The following ANO10 variants were observed in gnomAD, a reference collection of about 807,000 sequenced individuals.
The protein encoded by ANO10 is anoctamin-10.
A neutral mutation model predicts 74.7 loss-of-function variants in ANO10; 77 were observed. The ratio of observed to expected loss-of-function variants is 1.03; its 90% CI spans 0.86 to 1.25. ANO10 has a LOEUF of 1.25. Among genes scored for constraint, ANO10 ranks in the 50% most tolerant of loss-of-function variants. The probability of loss-of-function intolerance (pLI) is 0.00; values close to 1 mark genes in which losing one functional copy is unlikely to be tolerated. For synonymous variants in ANO10, 279 were observed against 284.9 expected (o/e 0.98, Z 0.21); for missense variants, 721 against 778.1 (o/e 0.93, Z 0.87).
intron 11 of ANO10, among the ~76,000 whole-genome samples, chr3:43,461,562 T>A (rs773847621): frequency 6.6e-6 from 1 of 152,206 alleles, no homozygotes; most frequent in Non-Finnish European, 1.5e-5. Context: ...GGTGTTCTCA[T>A]GTTAGTGAAT....
At chr3:43,483,267 T>C (rs903524380) in intron 11 of ANO10, among the ~76,000 whole-genome samples, 7 of 152,230 alleles carry the variant, frequency 4.6e-5, no homozygotes, top group African/African-American at 1.7e-4. Context: ...CTTCCAGCCC[T>C]TAAACCTTTT....
At chr3:43,405,763 T>C (rs2092565098) in intron 12 of ANO10, among the ~76,000 whole-genome samples, 1 of 151,944 alleles carries the variant, frequency 6.6e-6, no homozygotes, top group Admixed American at 6.6e-5. Flanking sequence ...CGTGAGCCAC[T>C]GCACCCAGCC....
intron 1 of ANO10, among the ~76,000 whole-genome samples, chr3:43,649,707 T>C (rs1380654516): frequency 1.3e-5 from 2 of 152,202 alleles, no homozygotes; most frequent in Non-Finnish European, 2.9e-5. Flanking sequence ...GAGACAGAGT[T>C]GGGATCCAAA....
chr3:43,605,668 A>C, intron 2 of ANO10, 46 bp downstream of exon 2: 1 of 1,605,190 alleles, frequency 6.2e-7, no homozygotes, highest in Admixed American at 1.7e-5. Context: ...CTGAGCATAC[A>C]GTGTGGGAGG....
At chr3:43,663,597 A>G (rs1387891781) in intron 1 of ANO10, among the ~76,000 whole-genome samples, 1 of 152,172 alleles carries the variant, frequency 6.6e-6, no homozygotes, top group Non-Finnish European at 1.5e-5. Context: ...TGGAATTCAA[A>G]TTGTCTCTGT....
chr3:43,546,449 C>T (rs959338537), intron 11 of ANO10, among the ~76,000 whole-genome samples: 23 of 152,136 alleles, frequency 1.5e-4, no homozygotes, highest in African/African-American at 4.8e-4. Flanking sequence ...ACTGTATACA[C>T]AGTCAAATGA....
intron 11 of ANO10, among the ~76,000 whole-genome samples, chr3:43,500,992 C>A (rs1237007372): frequency 6.6e-6 from 1 of 152,204 alleles, no homozygotes; most frequent in East Asian, 1.9e-4. Context: ...CAACTCAAAT[C>A]TCTCAGTGAA....
rs577462758 is a variant in ANO10 at position 43,628,945 on chromosome 3, G to T, written c.-11-23082C>A. ...CCCAGTCCTGTGGTCCTGTGATCTC[G>T]CCCTGCCTCCATTTTGCCTTGTCAT... On this transcript the variant is annotated intron_variant, in intron 1 of 3. Coordinates refer to the ANO10 transcript ENST00000413397. 2.6e-5 allele frequency among the ~76,000 whole-genome samples: 4 copies of T among 152,080 alleles called. No individual in the cohort carries two copies. The East Asian group carries it at 7.7e-4, about 29-fold the overall frequency.
At chr3:43,379,684 G>A (rs1047260261) in intron 12 of ANO10, among the ~76,000 whole-genome samples, 1 of 152,102 alleles carries the variant, frequency 6.6e-6, no homozygotes, top group Non-Finnish European at 1.5e-5. Flanking sequence ...CTGGCCTTTT[G>A]GGCTGTGGGC....
intron 6 of ANO10, among the ~76,000 whole-genome samples, chr3:43,575,652 T>C (rs567219639): frequency 6.6e-6 from 1 of 152,346 alleles, no homozygotes. Context: ...CTTTTTTTTT[T>C]TGTGAGACGG....
At chr3:43,378,049 C>T (rs954290068) in intron 12 of ANO10, among the ~76,000 whole-genome samples, 3 of 152,286 alleles carry the variant, frequency 2.0e-5, no homozygotes, top group Admixed American at 1.3e-4. Flanking sequence ...GAAAGAAACT[C>T]AGTTTAGAAA....
chr3:43,586,243 T>C (rs1335045440), intron 4 of ANO10, among the ~76,000 whole-genome samples: 1 of 151,806 alleles, frequency 6.6e-6, no homozygotes, highest in Non-Finnish European at 1.5e-5. Flanking sequence ...AAGTCTGCCA[T>C]GTTGGAAGAG....
intron 1 of ANO10, among the ~76,000 whole-genome samples, chr3:43,683,436 A>T (rs2084228785): frequency 6.6e-6 from 1 of 152,216 alleles, no homozygotes; most frequent in African/African-American, 2.4e-5. Context: ...AAGAGGATAC[A>T]AACAAATGGA....
chr3:43,621,981 G>C lies in ANO10; in HGVS notation c.-84C>G, dbSNP rs913272012. The stretch of plus-strand genomic sequence containing the variant: ...CGAGAACCGGAGGCCGGGCGAAAGA[G>C]TGCTCGGTGCGGGGGGCGGGCCAGG... On this transcript the variant is annotated 5_prime_UTR_variant, in exon 1 of 13. Coordinates refer to ENST00000292246, the MANE Select transcript of ANO10 (RefSeq NM_018075.5). 2.6e-5 allele frequency: 4 copies of C among 152,662 alleles called. No individual in the cohort carries two copies. Among genetic ancestry groups the C allele is most frequent in the African/African-American group, 9.6e-5 (4 of 41,466 alleles). The allele number at this position is 152,662 out of a possible 1,614,324, so 9.5% of individuals were successfully genotyped here.
intron 1 of ANO10, among the ~76,000 whole-genome samples, chr3:43,628,750 T>C (rs1308716092): frequency 6.6e-6 from 1 of 152,140 alleles, no homozygotes; most frequent in African/African-American, 2.4e-5. Context: ...GTCAAGGCTG[T>C]AGGGGTGAAA....
intron 4 of ANO10, among the ~76,000 whole-genome samples, chr3:43,596,326 C>T (rs947273495): frequency 6.6e-6 from 1 of 152,176 alleles, no homozygotes; most frequent in Non-Finnish European, 1.5e-5. Context: ...GCCAAAAGAA[C>T]AAAGCTGGAG....
chr3:43,579,071 C>T (rs910638748), intron 5 of ANO10, among the ~76,000 whole-genome samples: 1 of 151,508 alleles, frequency 6.6e-6, no homozygotes, highest in African/African-American at 2.4e-5. Flanking sequence ...TTAAACAAAA[C>T]CAAAAGGAAA....
At chr3:43,676,616 G>C (rs558852769) in intron 1 of ANO10, among the ~76,000 whole-genome samples, 1 of 152,130 alleles carries the variant, frequency 6.6e-6, no homozygotes, top group Non-Finnish European at 1.5e-5. Flanking sequence ...GGATCTTGTC[G>C]TGATGGAAAT....
At chr3:43,500,543 T>A (rs1276653098) in intron 11 of ANO10, among the ~76,000 whole-genome samples, 1 of 152,206 alleles carries the variant, frequency 6.6e-6, no homozygotes, top group Non-Finnish European at 1.5e-5. Flanking sequence ...ATATCCACTG[T>A]AAAATACATT....
Sources: allele counts gnomAD v4.1 joint callset (sites outside exome capture counted in the v4.1 genomes callset), GRCh38; gene constraint gnomAD v4.1.1; transcripts MANE v1.5; gene names NCBI Gene and HGNC (gene_info 2026-07-23, HGNC 2026-07-21).